Variants in SRGAP1 observed in about 807,000 individuals in gnomAD.
The protein encoded by SRGAP1 is SLIT-ROBO Rho GTPase activating protein 1.
SRGAP1 carries 43 observed loss-of-function variants against 121.9 expected under a neutral mutation model. That is an observed-to-expected ratio of 0.35 (90% CI 0.28 to 0.46). SRGAP1 has a LOEUF of 0.46. Ranked by LOEUF, SRGAP1 falls within the 20% of genes least tolerant of loss-of-function variation. SRGAP1 has a pLI of 1.00. For missense variants in SRGAP1, 1,102 were observed against 1,350.9 expected (o/e 0.82, Z 2.89); for synonymous variants, 447 against 485.4 (o/e 0.92, Z 1.04).
At chr12:64,035,057 A>AAAG (rs1565650120) in intron 4 of SRGAP1, among the ~76,000 whole-genome samples, 24 of 150,102 alleles carry the variant, frequency 1.6e-4, no homozygotes, top group African/African-American at 4.7e-4. Context: ...AAAAAAAAAA[A>AAAG]AAAAGAAAAG....
At chr12:63,856,445 T>C (rs1899254282) in intron 1 of SRGAP1, among the ~76,000 whole-genome samples, 1 of 152,190 alleles carries the variant, frequency 6.6e-6, no homozygotes, top group Admixed American at 6.5e-5. Flanking sequence ...AAATTTTGCT[T>C]TCGGCGTATG....
intron 4 of SRGAP1, among the ~76,000 whole-genome samples, chr12:64,042,569 T>C (rs2035046926): frequency 6.6e-6 from 1 of 152,198 alleles, no homozygotes; most frequent in Non-Finnish European, 1.5e-5. Context: ...CACCAAATCC[T>C]GTCCTCTAGG....
chr12:64,007,484 G>A (rs145350713), intron 3 of SRGAP1, among the ~76,000 whole-genome samples: 11 of 152,224 alleles, frequency 7.2e-5, no homozygotes, highest in African/African-American at 1.2e-4. Flanking sequence ...CTCAGCCACC[G>A]CTCACCTCTT....
intron 15 of SRGAP1, 73 bp downstream of exon 15, chr12:64,097,448 C>G: frequency 1.3e-6 from 2 of 1,523,400 alleles, no homozygotes; most frequent in Non-Finnish European, 1.8e-6. Flanking sequence ...AAGGCAGTGG[C>G]CCCCCTCCAT....
chr12:63,864,586 A>G (rs1245195889), intron 1 of SRGAP1, among the ~76,000 whole-genome samples: 2 of 152,218 alleles, frequency 1.3e-5, no homozygotes, highest in African/African-American at 4.8e-5. Context: ...TACCCATTTC[A>G]GAGCATTGCT....
At chr12:63,912,230 C>G (rs915433933) in intron 1 of SRGAP1, among the ~76,000 whole-genome samples, 1 of 152,088 alleles carries the variant, frequency 6.6e-6, no homozygotes, top group African/African-American at 2.4e-5. Flanking sequence ...TACAAAAGCC[C>G]TGTGAGGTAG....
At chr12:63,885,631 C>T (rs751716436) in intron 1 of SRGAP1, among the ~76,000 whole-genome samples, 11 of 152,214 alleles carry the variant, frequency 7.2e-5, no homozygotes, top group Non-Finnish European at 1.2e-4. Flanking sequence ...CTTGAAGGTA[C>T]GGGGCAAGAC....
chr12:63,912,724 A>T (rs909147947), intron 1 of SRGAP1, among the ~76,000 whole-genome samples: 12 of 152,298 alleles, frequency 7.9e-5, no homozygotes, highest in Admixed American at 5.9e-4. Context: ...AAAAAAGAGA[A>T]ATATAAACGC....
rs533234650 is a variant in SRGAP1, at chr12:64,092,196, G to T, written c.1539+818G>T. ...AAGGGCTTTATTAGGGAAAGTCAAT[G>T]TTAAATACCAAATACACATTTAATA... On this transcript the variant is annotated intron_variant, in intron 12 of 21. Transcript: ENST00000355086. Among the ~76,000 whole-genome samples the T allele has an allele frequency of 3.3e-5, 5 of 152,234 alleles. No homozygotes were observed. The South Asian group carries it at 1.0e-3, about 32-fold the overall frequency.
chr12:63,926,844 C>T (rs993309596), intron 1 of SRGAP1, among the ~76,000 whole-genome samples: 30 of 152,144 alleles, frequency 2.0e-4, no homozygotes, highest in Admixed American at 2.6e-4. Context: ...CCATTCCCTA[C>T]CTTCGTATTA....
At chr12:64,084,148 A>C (rs2035897090) in intron 10 of SRGAP1, among the ~76,000 whole-genome samples, 1 of 152,214 alleles carries the variant, frequency 6.6e-6, no homozygotes, top group South Asian at 2.1e-4. Context: ...TAAAATATCA[A>C]ATTGCCACCA....
chr12:64,092,380 C>A (rs890522368), intron 12 of SRGAP1, among the ~76,000 whole-genome samples: 1 of 152,020 alleles, frequency 6.6e-6, no homozygotes. Flanking sequence ...ATATTACAGA[C>A]GTCTTACTTT....
intron 11 of SRGAP1, among the ~76,000 whole-genome samples, chr12:64,090,940 G>A (rs1320189415): frequency 6.6e-6 from 1 of 152,212 alleles, no homozygotes; most frequent in African/African-American, 2.4e-5. Flanking sequence ...CTTACTGTGT[G>A]ACTTGTAAAC....
chr12:63,844,890 A>G lies in SRGAP1; in HGVS notation c.67+7A>G. 4 of 1,613,904 alleles carry G rather than the reference A, an allele frequency of 2.5e-6. No homozygotes were observed. The highest frequency in any genetic ancestry group is 1.3e-5 in the African/African-American group (1 of 75,032). On this transcript the variant is annotated splice_region_variant and intron_variant, in intron 1 of 21. Coordinates refer to ENST00000355086, the MANE Select transcript of SRGAP1 (RefSeq NM_020762.4). The surrounding 1 kb of genome is among the most constrained non-coding windows in gnomAD (Gnocchi z 4.3). The stretch of plus-strand genomic sequence containing the variant: ...TATGAAAGTCAAGTCAAAGGTAAGG[A>G]TGGGAGCGGCTGCCTTGCTCCTTTT...
chr12:63,966,292 T>C (rs1299836690), intron 1 of SRGAP1, among the ~76,000 whole-genome samples: 1 of 152,192 alleles, frequency 6.6e-6, no homozygotes, highest in African/African-American at 2.4e-5. Flanking sequence ...TGTATGAGGC[T>C]CTATATTTGA....
At chr12:63,950,872 C>A (rs965125018) in intron 1 of SRGAP1, among the ~76,000 whole-genome samples, 1 of 152,056 alleles carries the variant, frequency 6.6e-6, no homozygotes, top group Non-Finnish European at 1.5e-5. Context: ...TGTGTCCTGT[C>A]CTGAGTCCCC....
At chr12:63,886,488 ATTTT>A (rs1900387467) in intron 1 of SRGAP1, among the ~76,000 whole-genome samples, 2 of 151,652 alleles carry the variant, frequency 1.3e-5, no homozygotes, top group African/African-American at 4.8e-5. Context: ...GTACTTATTT[ATTTT>A]TATTTTTTTA....
chr12:64,093,051 A>G (rs936020121), intron 12 of SRGAP1, among the ~76,000 whole-genome samples: 2 of 152,144 alleles, frequency 1.3e-5, no homozygotes, highest in Admixed American at 1.3e-4. Context: ...GCTCCTTTCC[A>G]CTTCTAAAAA....
rs72296845 is a variant in SRGAP1, at chr12:63,863,276, CT to C, written c.67+18407del. Among the ~76,000 whole-genome samples, 941 of 138,056 alleles carry C rather than the reference CT, an allele frequency of 6.8e-3. 12 individuals carry two copies. Among genetic ancestry groups the C allele is most frequent in the African/African-American group, 0.019 (732 of 38,076 alleles). The allele number at this position is 138,056 out of a possible 152,430, so 90.6% of individuals were successfully genotyped here. On this transcript the variant is annotated intron_variant, in intron 1 of 21. Transcript: ENST00000355086. The stretch of plus-strand genomic sequence containing the variant: ...TTTCAAAAGGTTGCTCTTTTTTTTT[CT>C]TTTTTTTTTTTTTGAGACAGTGTCT...
Sources: gnomAD v4.1 joint callset for allele counts (sites outside exome capture counted in the v4.1 genomes callset) on GRCh38, gnomAD v4.1.1 for gene constraint, Gnocchi (gnomAD v3.1) non-coding constraint, MANE v1.5 for transcripts, NCBI Gene and HGNC (gene_info 2026-07-23, HGNC 2026-07-21) for gene names.